PLD1: variants seen among roughly 807,000 people sequenced by gnomAD.
The protein encoded by PLD1 is choline phosphatase 1.
PLD1 carries 112 observed loss-of-function variants against 137.1 expected under a neutral mutation model. That is an observed-to-expected ratio of 0.82 (90% CI 0.70 to 0.96). The LOEUF is 0.96. PLD1 is among the 40% of genes least tolerant of loss of function. The pLI is 0.00. For synonymous variants in PLD1, 431 were observed against 454.7 expected (o/e 0.95, Z 0.66); for missense variants, 1,321 against 1,342.0 (o/e 0.98, Z 0.24).
At chr3:171,678,520 A>AT (rs1713620358) in intron 16 of PLD1, among the ~76,000 whole-genome samples, 1 of 152,234 alleles carries the variant, frequency 6.6e-6, no homozygotes, top group Non-Finnish European at 1.5e-5. Flanking sequence ...AAGATGCAGA[A>AT]TTACAAATCA....
At chr3:171,636,675 A>C (rs1735158655) in intron 23 of PLD1, among the ~76,000 whole-genome samples, 1 of 152,060 alleles carries the variant, frequency 6.6e-6, no homozygotes. Flanking sequence ...TGAATTTCTT[A>C]GAATTTCCTG....
Position 171,697,243 on chromosome 3 carries a change from T to TTA in PLD1, c.1227+2501_1227+2502insTA, listed in dbSNP as rs1553824573. 1.7e-3 allele frequency among the ~76,000 whole-genome samples: 218 copies of TTA among 127,926 alleles called. 1 individual carries two copies. The highest frequency in any genetic ancestry group is 7.1e-3 in the African/African-American group (212 of 29,870). The allele number at this position is 127,926 out of a possible 152,430, so 83.9% of individuals were successfully genotyped here. The stretch of plus-strand genomic sequence containing the variant: ...AGAGTCACCTTCCGGACACCTTTTT[T>TTA]TTTTTTTTTTTTTTTTTTTGAAACA... On this transcript the variant is annotated intron_variant, in intron 12 of 26. Coordinates refer to ENST00000351298, the MANE Select transcript of PLD1 (RefSeq NM_002662.5).
At chr3:171,654,876 G>C (rs915221280) in intron 21 of PLD1, among the ~76,000 whole-genome samples, 1 of 152,110 alleles carries the variant, frequency 6.6e-6, no homozygotes, top group African/African-American at 2.4e-5. Flanking sequence ...TCTAGGTCAT[G>C]TCAGAACATG....
chr3:171,713,851 G>C, intron 9 of PLD1, 42 bp downstream of exon 9: 1 of 1,519,924 alleles, frequency 6.6e-7, no homozygotes, highest in Non-Finnish European at 9.0e-7. Context: ...TGTTTTTAAG[G>C]CATTTTTGTA....
At position 171,603,011 on chromosome 3, in the gene PLD1, C is replaced by T. The variant is rs1578077368; in HGVS notation, c.*67G>A. Reference sequence around the variant, plus strand: ...CAGGCCTGGCTTTGGCTATGACATCCCCAGGAAGTCACTGTGTGCAGTGTG... The same window carrying T: ...CAGGCCTGGCTTTGGCTATGACATCTCCAGGAAGTCACTGTGTGCAGTGTG... On this transcript the variant is annotated 3_prime_UTR_variant, in exon 27 of 27. Coordinates refer to ENST00000351298, the MANE Select transcript of PLD1 (RefSeq NM_002662.5). 2 of 1,188,720 alleles carry T rather than the reference C, an allele frequency of 1.7e-6. No individual in the cohort carries two copies. Among genetic ancestry groups the T allele is most frequent in the Non-Finnish European group, 2.5e-6 (2 of 806,116 alleles). The allele number at this position is 1,188,720 out of a possible 1,614,324, so 73.6% of individuals were successfully genotyped here.
intron 1 of PLD1, among the ~76,000 whole-genome samples, chr3:171,784,795 G>T (rs1245910169): frequency 1.3e-5 from 2 of 152,044 alleles, no homozygotes; most frequent in African/African-American, 2.4e-5. Flanking sequence ...CTTTGTATCT[G>T]GTATCATAGC....
intron 23 of PLD1, among the ~76,000 whole-genome samples, chr3:171,632,815 T>C (rs921071670): frequency 6.6e-6 from 1 of 152,214 alleles, no homozygotes; most frequent in Non-Finnish European, 1.5e-5. Context: ...ACATGTCATA[T>C]TCGTAATTTT....
intron 1 of PLD1, among the ~76,000 whole-genome samples, chr3:171,747,050 G>A (rs1282620040): frequency 2.0e-5 from 3 of 151,868 alleles, no homozygotes; most frequent in East Asian, 1.9e-4. Flanking sequence ...AACTCCAGAC[G>A]CGCCACTTTA....
Position 171,688,794 on chromosome 3 carries a change from A to C in PLD1, c.1421T>G (p.Val474Gly). ...CAGGTCAATCCCTCCCACAAAGGCC[A>C]CCGATTGGTCAATGATGACAAGCTT... is the stretch of plus-strand genomic sequence containing the variant. ...HEKLVIIDQS[V>G]AFVGGIDLAY... The change falls in exon 14 of 27, where the codon GTG becomes GGG. Residue 474 changes from valine to glycine, a missense_variant. Transcript: ENST00000351298. 1 of 1,614,056 alleles carries C rather than the reference A, an allele frequency of 6.2e-7. No homozygotes were observed. The highest frequency in any genetic ancestry group is 8.5e-7 in the Non-Finnish European group (1 of 1,179,972).
intron 23 of PLD1, among the ~76,000 whole-genome samples, chr3:171,638,213 A>G (rs996285397): frequency 4.0e-5 from 6 of 150,586 alleles, no homozygotes; most frequent in African/African-American, 9.8e-5. Flanking sequence ...AAAAAGATAC[A>G]CTTACATAGA....
chr3:171,802,233 C>T (rs1238169402), intron 1 of PLD1, among the ~76,000 whole-genome samples: 1 of 152,084 alleles, frequency 6.6e-6, no homozygotes, highest in East Asian at 1.9e-4. Context: ...TCTCATAAAG[C>T]TTAAGTTCTT....
chr3:171,628,235 C>T (rs1218051394), intron 23 of PLD1, among the ~76,000 whole-genome samples: 1 of 152,228 alleles, frequency 6.6e-6, no homozygotes, highest in African/African-American at 2.4e-5. Context: ...ACAAACACCG[C>T]TACGCAAATA....
intron 1 of PLD1, among the ~76,000 whole-genome samples, chr3:171,744,075 G>T (rs536715454): frequency 1.3e-5 from 2 of 152,186 alleles, no homozygotes; most frequent in African/African-American, 4.8e-5. Flanking sequence ...GGCTGCCAAC[G>T]CAATCACAGC....
intron 1 of PLD1, among the ~76,000 whole-genome samples, chr3:171,751,261 T>TCTAAG (rs1164159934): frequency 6.6e-6 from 1 of 152,152 alleles, no homozygotes; most frequent in Non-Finnish European, 1.5e-5. Flanking sequence ...TAGAAGAATG[T>TCTAAG]TCTTAAGACC....
Position 171,612,374 on chromosome 3 carries a change from G to C in PLD1, c.2787C>G (p.Val929=). Residue 929 remains valine (V), a synonymous_variant, in exon 25 of 27, where the codon GTC becomes GTG. Transcript: ENST00000351298. The surrounding 1 kb of genome is among the most constrained non-coding windows in gnomAD (Gnocchi z 4.1). Reference sequence around the variant, plus strand: ...GAACAGTCTCTGTATCTTGCACAATGACAGCCATTTCACTGTCACGCTTTC... The same window carrying C: ...GAACAGTCTCTGTATCTTGCACAATCACAGCCATTTCACTGTCACGCTTTC... ...MLGKRDSEMA[V]IVQDTETVPS... 6.2e-7 allele frequency: 1 copy of C among 1,614,060 alleles called. No individual in the cohort carries two copies. The highest frequency in any genetic ancestry group is 1.1e-5 in the South Asian group (1 of 91,070).
intron 1 of PLD1, among the ~76,000 whole-genome samples, chr3:171,754,894 G>C (rs1196259598): frequency 6.6e-6 from 1 of 152,096 alleles, no homozygotes; most frequent in African/African-American, 2.4e-5. Flanking sequence ...AGCTGTGCAG[G>C]CAACTTTTAT....
rs574904607 is a variant in PLD1 at position 171,726,822 on chromosome 3, C to A, written c.607-746G>T. On this transcript the variant is annotated intron_variant, in intron 6 of 26. Coordinates refer to ENST00000351298, the MANE Select transcript of PLD1 (RefSeq NM_002662.5). ...CCATTTTTCATGCATTATCTCAAAC[C>A]CCTTTGAAGCAGGTGCTACTTTTCC... Among the ~76,000 whole-genome samples, 67 of 152,154 alleles carry A rather than the reference C, an allele frequency of 4.4e-4. 2 individuals are homozygous for A. In the South Asian group the frequency reaches 0.014, roughly 31 times the overall value.
At chr3:171,730,164 C>T (rs1407206121) in intron 6 of PLD1, among the ~76,000 whole-genome samples, 1 of 152,188 alleles carries the variant, frequency 6.6e-6, no homozygotes, top group Non-Finnish European at 1.5e-5. Flanking sequence ...AGTGAGTTCT[C>T]TACTACAGCC....
At position 171,614,973 on chromosome 3, in the gene PLD1, T is replaced by C. The variant is rs144577547; in HGVS notation, c.2729-2541A>G. On this transcript the variant is annotated intron_variant, in intron 24 of 26. Coordinates refer to ENST00000351298, the MANE Select transcript of PLD1 (RefSeq NM_002662.5). Reference sequence around the variant, plus strand: ...TTGTATTTTAAGGGCCAACATGGAATTACCCAGATAACTGACTCTCCACCA... The same window carrying C: ...TTGTATTTTAAGGGCCAACATGGAACTACCCAGATAACTGACTCTCCACCA... Among the ~76,000 whole-genome samples, 800 of 152,332 alleles carry C rather than the reference T, an allele frequency of 5.3e-3. 3 individuals carry two copies. The highest frequency in any genetic ancestry group is 0.017 in the African/African-American group (707 of 41,576).
Sources: gnomAD v4.1 joint callset for allele counts (sites outside exome capture counted in the v4.1 genomes callset) on GRCh38, gnomAD v4.1.1 for gene constraint, Gnocchi (gnomAD v3.1) non-coding constraint, MANE v1.5 for transcripts, NCBI Gene and HGNC (gene_info 2026-07-23, HGNC 2026-07-21) for gene names.